The following CFAP54 variants were observed in gnomAD, a reference collection of about 807,000 sequenced individuals.
CFAP54 encodes cilia- and flagella-associated protein 54.
Under a neutral mutation model 370.4 loss-of-function variants are expected in CFAP54, and 290 were observed. That is an observed-to-expected ratio of 0.78 (90% CI 0.71 to 0.86). The LOEUF (loss-of-function observed/expected upper bound fraction) is 0.86. Ranked by LOEUF, CFAP54 falls within the 40% of genes least tolerant of loss-of-function variation. The pLI is 0.00. For missense variants in CFAP54, 3,399 were observed against 3,528.7 expected, an observed-to-expected ratio of 0.96 and a Z score of 0.93; for synonymous variants, 1,206 against 1,236.5, an observed-to-expected ratio of 0.98 and a Z score of 0.52.
At chr12:96,788,528 C>A (rs767777330) in intron 62 of CFAP54, among the ~76,000 whole-genome samples, 10 of 152,130 alleles carry the variant, frequency 6.6e-5, no homozygotes, top group Non-Finnish European at 1.2e-4. Flanking sequence ...AAGATATGTT[C>A]ATGTTACTGT....
At chr12:96,581,157 C>T in intron 22 of CFAP54, 52 bp downstream of exon 22, 1 of 1,245,680 alleles carries the variant, frequency 8.0e-7, no homozygotes, top group Non-Finnish European at 1.0e-6. Flanking sequence ...TTCCATTAAG[C>T]AGTTATGAAG....
intron 60 of CFAP54, among the ~76,000 whole-genome samples, chr12:96,769,001 A>G (rs1958429201): frequency 6.6e-6 from 1 of 152,220 alleles, no homozygotes; most frequent in Non-Finnish European, 1.5e-5. Context: ...TATGACATCT[A>G]TAGCACAGTA....
chr12:96,686,388 C>T (rs1957329725), intron 42 of CFAP54, among the ~76,000 whole-genome samples: 5 of 152,156 alleles, frequency 3.3e-5, no homozygotes, highest in Admixed American at 3.3e-4. Flanking sequence ...TTAGGCTGTT[C>T]TTGCTTTGCT....
At chr12:96,742,317 T>G in intron 51 of CFAP54, 122 bp from the exon 52 acceptor site, 1 of 639,916 alleles carries the variant, frequency 1.6e-6, no homozygotes. Context: ...CATTTCTAAA[T>G]TTAAAATTGT....
At chr12:96,701,435 G>T (rs1389318471) in intron 46 of CFAP54, among the ~76,000 whole-genome samples, 1 of 152,090 alleles carries the variant, frequency 6.6e-6, no homozygotes, top group Non-Finnish European at 1.5e-5. Flanking sequence ...TAGAAAGACA[G>T]CAGGGGGGCT....
intron 60 of CFAP54, among the ~76,000 whole-genome samples, chr12:96,779,310 G>T (rs2136687990): frequency 6.6e-6 from 1 of 152,124 alleles, no homozygotes; most frequent in Admixed American, 6.5e-5. Flanking sequence ...TTTGAATTTT[G>T]TGTAAATGAA....
chr12:96,689,254 G>A (rs1021841115), intron 43 of CFAP54, among the ~76,000 whole-genome samples: 14 of 151,828 alleles, frequency 9.2e-5, no homozygotes, highest in Admixed American at 7.9e-4. Flanking sequence ...TCTGCCTCCC[G>A]GGTTCAAGCA....
intron 65 of CFAP54, among the ~76,000 whole-genome samples, chr12:96,821,807 G>T (rs1032750208): frequency 2.7e-5 from 4 of 150,864 alleles, no homozygotes; most frequent in African/African-American, 9.8e-5. Context: ...GAGCTAATTA[G>T]AAGTTAAGTA....
chr12:96,761,973 T>G (rs1326051341), intron 58 of CFAP54, among the ~76,000 whole-genome samples: 1 of 152,206 alleles, frequency 6.6e-6, no homozygotes, highest in Non-Finnish European at 1.5e-5. Flanking sequence ...TTGACTCCTT[T>G]GCATTTCACT....
intron 39 of CFAP54, among the ~76,000 whole-genome samples, chr12:96,675,052 A>G (rs1454039319): frequency 6.6e-6 from 1 of 152,142 alleles, no homozygotes; most frequent in African/African-American, 2.4e-5. Context: ...CTAAAACACC[A>G]AAAGCAATGG....
chr12:96,541,446 T>A (rs542065709), intron 14 of CFAP54, among the ~76,000 whole-genome samples: 1 of 152,004 alleles, frequency 6.6e-6, no homozygotes, highest in African/African-American at 2.4e-5. Flanking sequence ...CCACCATGCC[T>A]GGCTAATTTT....
intron 53 of CFAP54, 66 bp downstream of exon 53, chr12:96,743,625 A>G (rs914202670): frequency 1.7e-5 from 27 of 1,599,872 alleles, no homozygotes; most frequent in Non-Finnish European, 2.3e-5. Flanking sequence ...AAAGGAGAGA[A>G]TTTCAAATTC....
chr12:96,523,974 C>G (rs565615589), intron 8 of CFAP54, among the ~76,000 whole-genome samples: 39 of 151,320 alleles, frequency 2.6e-4, no homozygotes, highest in African/African-American at 9.2e-4. Flanking sequence ...GTTTCAGAGG[C>G]TAGTCAACAC....
chr12:96,863,130 C>T (rs1959917222), intron 67 of CFAP54, among the ~76,000 whole-genome samples: 1 of 150,774 alleles, frequency 6.6e-6, no homozygotes, highest in African/African-American at 2.4e-5. Context: ...TAGAACAATA[C>T]CTGGCACATA....
chr12:96,857,103 A>T (rs896344867), intron 66 of CFAP54, among the ~76,000 whole-genome samples: 1 of 152,168 alleles, frequency 6.6e-6, no homozygotes, highest in African/African-American at 2.4e-5. Flanking sequence ...ATCTCATGAG[A>T]ACTCACTATC....
chr12:96,576,375 TG>T (rs751780845), intron 19 of CFAP54, among the ~76,000 whole-genome samples: 73 of 151,520 alleles, frequency 4.8e-4, no homozygotes, highest in Admixed American at 1.5e-3. Context: ...ATAATGCCAT[TG>T]GTGATCATGA....
chr12:96,817,430 C>CT (rs34215059), intron 64 of CFAP54, among the ~76,000 whole-genome samples: 168 of 144,668 alleles, frequency 1.2e-3, no homozygotes, highest in East Asian at 1.4e-3. Context: ...ACCTTTCTTT[C>CT]TTTTTTTTTT....
intron 26 of CFAP54, among the ~76,000 whole-genome samples, chr12:96,615,828 A>G (rs1179714974): frequency 6.6e-6 from 1 of 152,244 alleles, no homozygotes. Context: ...ATCTCACACC[A>G]GTTAGAATGG....
chr12:96,562,602 T>C (rs1408684672), intron 17 of CFAP54, among the ~76,000 whole-genome samples: 3 of 150,906 alleles, frequency 2.0e-5, no homozygotes, highest in African/African-American at 7.3e-5. Flanking sequence ...AATTTTTGTA[T>C]TTTTTTTAGT....
Sources: gnomAD v4.1 joint callset for allele counts (sites outside exome capture counted in the v4.1 genomes callset) on GRCh38, gnomAD v4.1.1 for gene constraint, MANE v1.5 for transcripts, NCBI Gene and HGNC (gene_info 2026-07-23, HGNC 2026-07-21) for gene names.